NUAK1: variants seen among roughly 807,000 people sequenced by gnomAD.
NUAK1 encodes NUAK family kinase 1, also known as NUAK family SNF1-like kinase 1.
Under a neutral mutation model 56.9 loss-of-function variants are expected in NUAK1, and 26 were observed. The observed-to-expected ratio is 0.46, with a 90% CI of 0.33 to 0.63. The LOEUF is 0.63. Ranked by LOEUF, NUAK1 falls within the 30% of genes least tolerant of loss-of-function variation. The pLI is 0.02. For missense variants in NUAK1, 727 were observed against 876.1 expected, an observed-to-expected ratio of 0.83 and a Z score of 2.15; for synonymous variants, 337 against 336.0, an observed-to-expected ratio of 1.00 and a Z score of -0.03.
intron 1 of NUAK1, among the ~76,000 whole-genome samples, chr12:106,130,675 C>T (rs1019329242): frequency 6.6e-6 from 1 of 152,208 alleles, no homozygotes; most frequent in African/African-American, 2.4e-5. Flanking sequence ...CCCCAGCCCG[C>T]GTCGTTCTCA....
At chr12:106,116,989 T>C (rs1263251863) in intron 1 of NUAK1, among the ~76,000 whole-genome samples, 1 of 152,060 alleles carries the variant, frequency 6.6e-6, no homozygotes, top group Non-Finnish European at 1.5e-5. Context: ...ATTGATCCAG[T>C]CCTAGAGAAC....
intron 1 of NUAK1, among the ~76,000 whole-genome samples, chr12:106,112,542 C>T (rs2032871909): frequency 6.6e-6 from 1 of 152,150 alleles, no homozygotes; most frequent in African/African-American, 2.4e-5. Context: ...CAAACAAAGC[C>T]CCTAATTAAT....
intron 1 of NUAK1, among the ~76,000 whole-genome samples, chr12:106,137,026 T>C (rs74849911): frequency 0.022 from 3,296 of 152,146 alleles, 120 homozygotes; most frequent in African/African-American, 0.076. Context: ...AAAAGAAATG[T>C]ACGCCATCTC....
Position 106,067,553 on chromosome 12 carries a change from T to A in NUAK1, c.1235A>T (p.His412Leu), listed in dbSNP as rs1303842096. The change falls in exon 7 of 7, where the codon CAC (histidine) becomes CTC (leucine). Residue 412 changes from histidine (H) to leucine (L), a missense_variant. Coordinates refer to ENST00000261402, the MANE Select transcript of NUAK1 (RefSeq NM_014840.3). This position sits in a 1 kb window ranked among gnomAD's most constrained non-coding sequence, Gnocchi z 6.0. ...KKRSNSEHRSHSTGFIEGVVG... is the reference protein window; with the variant it reads ...KKRSNSEHRSLSTGFIEGVVG... ...TACACCTTCAATGAAGCCAGTGCTG[T>A]GAGAGCGATGCTCGCTGTTGCTTCG... 1 of 1,614,118 alleles carries A rather than the reference T, an allele frequency of 6.2e-7. No homozygotes were observed. The highest frequency in any genetic ancestry group is 8.5e-7 in the Non-Finnish European group (1 of 1,180,054).
intron 5 of NUAK1, 54 bp from the exon 6 acceptor site, chr12:106,070,960 C>T (rs373711238): frequency 4.4e-6 from 7 of 1,600,580 alleles, no homozygotes; most frequent in Non-Finnish European, 8.5e-7. Flanking sequence ...TCCCAAGATG[C>T]CTTCCAAACC....
intron 1 of NUAK1, among the ~76,000 whole-genome samples, chr12:106,112,461 G>A (rs2032870744): frequency 6.6e-6 from 1 of 152,124 alleles, no homozygotes; most frequent in African/African-American, 2.4e-5. Context: ...AAGCTCCCAG[G>A]ATCACCATGT....
chr12:106,120,744 T>C (rs972760302), intron 1 of NUAK1, among the ~76,000 whole-genome samples: 1 of 152,206 alleles, frequency 6.6e-6, no homozygotes, highest in Non-Finnish European at 1.5e-5. Flanking sequence ...AGGCAGCCTA[T>C]GACGCAAGAT....
chr12:106,118,552 G>A (rs2032942718), intron 1 of NUAK1, among the ~76,000 whole-genome samples: 1 of 152,208 alleles, frequency 6.6e-6, no homozygotes, highest in African/African-American at 2.4e-5. Context: ...TGAATGTGCG[G>A]CTAAGCAAGG....
At chr12:106,099,640 C>G (rs1481588090) in intron 2 of NUAK1, among the ~76,000 whole-genome samples, 2 of 152,052 alleles carry the variant, frequency 1.3e-5, no homozygotes, top group Non-Finnish European at 2.9e-5. Context: ...AGAAAATGGA[C>G]TTTGCCTCTA....
In NUAK1 at chr12:106,138,559, G is replaced by A. The variant is rs770046602; in HGVS notation, c.95C>T (p.Ala32Val). The A allele has an allele frequency of 1.9e-6, 3 of 1,607,428 alleles. No homozygotes were observed. The highest frequency in any genetic ancestry group is 1.3e-5 in the African/African-American group (1 of 74,950). Residue 32 changes from alanine to valine, a missense_variant, in exon 1 of 7, where the codon GCA (alanine) becomes GTA (valine). Transcript: ENST00000261402. The surrounding 1 kb of genome is among the most constrained non-coding windows in gnomAD (Gnocchi z 5.0). ...SPREAVAGAT[A>V]ALEPRKPHGV... The stretch of plus-strand genomic sequence containing the variant: ...GTGCGGCTTCCTGGGCTCCAGGGCT[G>A]CAGTCGCCCCCGCCACCGCCTCTCG...
intron 1 of NUAK1, among the ~76,000 whole-genome samples, chr12:106,135,353 C>G (rs971087754): frequency 5.3e-5 from 8 of 152,222 alleles, no homozygotes; most frequent in Non-Finnish European, 8.8e-5. Flanking sequence ...AGTGCCTGGA[C>G]GACACACAGG....
chr12:106,120,809 C>T (rs2032966577), intron 1 of NUAK1, among the ~76,000 whole-genome samples: 1 of 152,196 alleles, frequency 6.6e-6, no homozygotes, highest in Admixed American at 6.5e-5. Context: ...ACCGGTCCCA[C>T]AGGGGCGAGG....
chr12:106,079,866 A>G lies in NUAK1; in HGVS notation c.579+3998T>C, dbSNP rs150239320. 1.2e-3 allele frequency among the ~76,000 whole-genome samples: 190 copies of G among 152,308 alleles called. 2 individuals carry two copies. Among genetic ancestry groups the G allele is most frequent in the African/African-American group, 4.3e-3 (179 of 41,574 alleles). ...CTAGTTTAACAACTGCGAGATCCTG[A>G]GTTCCAAGACAGAAATTTGGCCATC... On this transcript the variant is annotated intron_variant, in intron 4 of 6. Coordinates refer to ENST00000261402, the MANE Select transcript of NUAK1 (RefSeq NM_014840.3).
At chr12:106,135,148 A>G (rs1054250039) in intron 1 of NUAK1, among the ~76,000 whole-genome samples, 2 of 152,232 alleles carry the variant, frequency 1.3e-5, no homozygotes, top group African/African-American at 4.8e-5. Context: ...GAAGAAGCTG[A>G]GGTTTCAAAA....
At chr12:106,101,817 C>A (rs1398784690) in intron 2 of NUAK1, among the ~76,000 whole-genome samples, 1 of 152,122 alleles carries the variant, frequency 6.6e-6, no homozygotes, top group East Asian at 1.9e-4. Context: ...ATGTGGGAGG[C>A]CTTTGTAAAC....
intron 3 of NUAK1, 113 bp downstream of exon 3, chr12:106,086,621 A>C (rs2304265): frequency 0.26 from 264,334 of 1,020,042 alleles, 36,508 homozygotes; most frequent in East Asian, 0.53. Flanking sequence ...TCTAGTTCAT[A>C]AATTCTCCAT....
chr12:106,087,110 C>T (rs929476168), intron 2 of NUAK1, among the ~76,000 whole-genome samples: 17 of 152,222 alleles, frequency 1.1e-4, no homozygotes, highest in African/African-American at 3.6e-4. Flanking sequence ...ACGCCTTTGT[C>T]ATGCTAAGGG....
chr12:106,103,518 T>G (rs2032769277), intron 2 of NUAK1: 1 of 152,224 alleles, frequency 6.6e-6, no homozygotes, highest in African/African-American at 2.4e-5. Context: ...CTTATCAGCC[T>G]GGAATTCTAT....
intron 4 of NUAK1, among the ~76,000 whole-genome samples, chr12:106,073,483 T>A (rs942858268): frequency 3.3e-5 from 5 of 152,290 alleles, no homozygotes; most frequent in African/African-American, 9.6e-5. Context: ...TGAGCCTCAG[T>A]TTACCCACCA....
Sources: allele counts gnomAD v4.1 joint callset (sites outside exome capture counted in the v4.1 genomes callset), GRCh38; gene constraint gnomAD v4.1.1; non-coding constraint Gnocchi (gnomAD v3.1); transcripts MANE v1.5; gene names NCBI Gene and HGNC (gene_info 2026-07-23, HGNC 2026-07-21).